Variants in MYO9A observed in about 807,000 individuals in gnomAD.
MYO9A encodes the protein myosin IXA.
In MYO9A, 103 loss-of-function variants were observed where a neutral mutation model predicts 293.3. That is an observed-to-expected ratio of 0.35 (90% CI 0.30 to 0.41). The LOEUF is 0.41. Among genes scored for constraint, MYO9A ranks in the 10% least tolerant of loss-of-function variants. The pLI, the probability that MYO9A is intolerant of heterozygous loss-of-function variation, is 1.00. For synonymous variants in MYO9A, 1,001 were observed against 1,035.7 expected (o/e 0.97, Z 0.64); for missense variants, 2,685 against 3,033.0 (o/e 0.89, Z 2.69).
intron 1 of MYO9A, among the ~76,000 whole-genome samples, chr15:72,066,320 T>C (rs774008407): frequency 4.6e-5 from 7 of 151,990 alleles, no homozygotes; most frequent in Non-Finnish European, 1.0e-4. Context: ...AACCCGCCTC[T>C]ACTAAAACTA....
intron 3 of MYO9A, among the ~76,000 whole-genome samples, chr15:72,030,945 G>T (rs192317399): frequency 6.6e-6 from 1 of 152,302 alleles, no homozygotes; most frequent in Admixed American, 6.5e-5. Context: ...ACCGGGCTAC[G>T]CAGCAGGAGG....
At chr15:72,099,727 C>A (rs990436706) in intron 1 of MYO9A, among the ~76,000 whole-genome samples, 2 of 151,228 alleles carry the variant, frequency 1.3e-5, no homozygotes, top group Admixed American at 6.6e-5. Context: ...TATGGTGAAA[C>A]CCTGACTCTA....
intron 16 of MYO9A, 133 bp downstream of exon 16, chr15:71,938,719 T>A: frequency 1.4e-6 from 1 of 696,800 alleles, no homozygotes; most frequent in East Asian, 2.9e-5. Context: ...TTACATCACT[T>A]ATAAAGGATT....
intron 15 of MYO9A, 84 bp from the exon 16 acceptor site, chr15:71,939,011 A>T: frequency 9.7e-7 from 1 of 1,028,618 alleles, no homozygotes. Context: ...GACAAACGAA[A>T]ATTTAATCAC....
At chr15:71,937,632 T>C (rs750203176) in intron 16 of MYO9A, among the ~76,000 whole-genome samples, 4 of 152,180 alleles carry the variant, frequency 2.6e-5, no homozygotes, top group Non-Finnish European at 5.9e-5. Flanking sequence ...TTTGTTTTAC[T>C]GAGAATTCGT....
intron 15 of MYO9A, among the ~76,000 whole-genome samples, chr15:71,941,437 AAAC>A (rs566295762): frequency 8.7e-4 from 132 of 152,092 alleles, no homozygotes; most frequent in African/African-American, 2.6e-3. Context: ...TCCATCTCAA[AAAC>A]AACAACAACA....
chr15:71,878,885 T>C (rs2056783825), intron 30 of MYO9A, among the ~76,000 whole-genome samples: 1 of 151,656 alleles, frequency 6.6e-6, no homozygotes, highest in East Asian at 1.9e-4. Context: ...GCCTCCCCAG[T>C]AGCTGGGATT....
At chr15:71,921,368 G>A (rs1352834434) in intron 18 of MYO9A, among the ~76,000 whole-genome samples, 1 of 152,152 alleles carries the variant, frequency 6.6e-6, no homozygotes, top group East Asian at 1.9e-4. Flanking sequence ...GCTGACTGTG[G>A]CTCCTGTCAA....
At chr15:71,868,165 T>C (rs1228242660) in intron 32 of MYO9A, among the ~76,000 whole-genome samples, 6 of 152,214 alleles carry the variant, frequency 3.9e-5, no homozygotes, top group Admixed American at 6.5e-5. Flanking sequence ...TCCAATCTCA[T>C]TCAGGTTGTT....
intron 12 of MYO9A, among the ~76,000 whole-genome samples, chr15:71,971,510 T>C (rs2147438142): frequency 6.7e-6 from 1 of 149,552 alleles, no homozygotes. Context: ...CTCGAGCCCA[T>C]AAATTCAAGG....
At chr15:71,970,544 A>G (rs1252684979) in intron 12 of MYO9A, among the ~76,000 whole-genome samples, 1 of 152,200 alleles carries the variant, frequency 6.6e-6, no homozygotes, top group Non-Finnish European at 1.5e-5. Context: ...TAGTTTTTTT[A>G]CAGGTAAATG....
At chr15:71,914,213 C>A (rs1025547336) in intron 19 of MYO9A, among the ~76,000 whole-genome samples, 4 of 152,122 alleles carry the variant, frequency 2.6e-5, no homozygotes, top group Non-Finnish European at 5.9e-5. Context: ...CTTCCTGAGC[C>A]GTAGCAAATC....
chr15:71,916,417 G>A lies in MYO9A; in HGVS notation c.2638C>T (p.His880Tyr). 2 of 1,613,534 alleles carry A rather than the reference G, an allele frequency of 1.2e-6. No homozygotes were observed. Among genetic ancestry groups the A allele is most frequent in the Non-Finnish European group, 1.7e-6 (2 of 1,179,768 alleles). ...GGAGGTTTTTTCTTCTTGTGTAAAT[G>A]AAGAAGAGACTTGGTAATGCGATCT... ...LQDRITKSLL[H>Y]LHKKKKPPSI... The change falls in exon 19 of 42, where the codon CAT (histidine) becomes TAT (tyrosine). Residue 880 changes from histidine to tyrosine, a missense_variant. His to Tyr is a moderately conservative substitution (Grantham distance 83, BLOSUM62 2). Coordinates refer to ENST00000356056, the MANE Select transcript of MYO9A (RefSeq NM_006901.4).
chr15:72,105,611 G>A (rs1030586846), intron 1 of MYO9A, among the ~76,000 whole-genome samples: 3 of 149,840 alleles, frequency 2.0e-5, no homozygotes, highest in East Asian at 2.0e-4. Context: ...AGGTTGAAGC[G>A]ATTCTCCTGC....
At chr15:71,855,786 CAT>C in intron 34 of MYO9A, among the ~76,000 whole-genome samples, 1 of 152,152 alleles carries the variant, frequency 6.6e-6, no homozygotes, top group Non-Finnish European at 1.5e-5. Context: ...TCCCCATATT[CAT>C]ATGTCTCCTT....
intron 15 of MYO9A, among the ~76,000 whole-genome samples, chr15:71,945,275 C>T (rs1215760682): frequency 6.6e-6 from 1 of 152,152 alleles, no homozygotes; most frequent in African/African-American, 2.4e-5. Context: ...TGGTGACAAG[C>T]CTCAGTTCAT....
intron 11 of MYO9A, 112 bp downstream of exon 11, chr15:71,990,989 TAA>T (rs780075673): frequency 8.3e-6 from 9 of 1,078,422 alleles, no homozygotes; most frequent in Non-Finnish European, 1.0e-5. Flanking sequence ...CAATATTTAA[TAA>T]AAACACTATG....
In MYO9A at chr15:71,910,189, G is replaced by T. The variant is rs926392045; in HGVS notation, c.2686-5183C>A. 1.3e-4 allele frequency among the ~76,000 whole-genome samples: 5 copies of T among 37,322 alleles called. No individual in the cohort carries two copies. The South Asian group carries it at 3.2e-3, about 24-fold the overall frequency. The allele number at this position is 37,322 out of a possible 152,430, so 24.5% of individuals were successfully genotyped here. A position where few individuals can be genotyped will look rare whatever the true frequency, so the allele number is the denominator to read the frequency against. ...ACGTGTATATATATATATAAAATCA[G>T]AAACTCAGAAGCCCCTTTGTGCCCC... On this transcript the variant is annotated intron_variant, in intron 19 of 41. Transcript: ENST00000356056.
At chr15:71,874,698 G>T (rs1334425430) in intron 32 of MYO9A, among the ~76,000 whole-genome samples, 1 of 152,192 alleles carries the variant, frequency 6.6e-6, no homozygotes, top group Non-Finnish European at 1.5e-5. Flanking sequence ...AGCAGTGGAG[G>T]TGATGTGAAA....
Sources: allele counts gnomAD v4.1 joint callset (sites outside exome capture counted in the v4.1 genomes callset), GRCh38; gene constraint gnomAD v4.1.1; transcripts MANE v1.5; gene names NCBI Gene and HGNC (gene_info 2026-07-23, HGNC 2026-07-21).